Variants in LNPK observed in about 807,000 individuals in gnomAD.
The protein encoded by LNPK is lunapark, ER junction formation factor.
A neutral mutation model predicts 55.2 loss-of-function variants in LNPK; 29 were observed. That is an observed-to-expected ratio of 0.53 (90% CI 0.39 to 0.72). The LOEUF is 0.72. Among genes scored for constraint, LNPK ranks in the 30% least tolerant of loss-of-function variants. LNPK has a pLI of 0.00. For missense variants in LNPK, 467 were observed against 494.8 expected (o/e 0.94, Z 0.53); for synonymous variants, 162 against 168.2 (o/e 0.96, Z 0.29).
chr2:175,982,826 G>A (rs1687234780), intron 4 of LNPK, among the ~76,000 whole-genome samples: 1 of 152,140 alleles, frequency 6.6e-6, no homozygotes, highest in South Asian at 2.1e-4. Flanking sequence ...CATATTTTGT[G>A]AAGATATTGA....
chr2:175,949,304 C>G (rs1001512142), intron 8 of LNPK, among the ~76,000 whole-genome samples: 1 of 152,088 alleles, frequency 6.6e-6, no homozygotes, highest in Non-Finnish European at 1.5e-5. Flanking sequence ...TTATTTTTTA[C>G]TCACAAGGAG....
chr2:175,968,529 G>C (rs1686484756), intron 6 of LNPK, among the ~76,000 whole-genome samples: 2 of 152,126 alleles, frequency 1.3e-5, no homozygotes, highest in African/African-American at 4.8e-5. Context: ...AAAAACTCAA[G>C]TTTTGTTAAA....
At chr2:175,945,268 G>C (rs1685067302) in intron 9 of LNPK, among the ~76,000 whole-genome samples, 1 of 149,084 alleles carries the variant, frequency 6.7e-6, no homozygotes, top group African/African-American at 2.4e-5. Flanking sequence ...CCGGCACTTT[G>C]GGAGACCAAA....
intron 7 of LNPK, 34 bp from the exon 8 acceptor site, chr2:175,964,457 A>G (rs1168738131): frequency 1.2e-6 from 2 of 1,600,120 alleles, no homozygotes; most frequent in East Asian, 2.2e-5. Context: ...ACAGTGACCT[A>G]TTACAATGTG....
chr2:175,963,500 A>G (rs1168341315), intron 8 of LNPK, among the ~76,000 whole-genome samples: 1 of 152,192 alleles, frequency 6.6e-6, no homozygotes, highest in African/African-American at 2.4e-5. Context: ...ATGGGAATTG[A>G]ACAATGAGAA....
intron 9 of LNPK, chr2:175,941,183 G>C (rs998075259): frequency 6.5e-6 from 2 of 309,758 alleles, no homozygotes; most frequent in African/African-American, 4.5e-5. Flanking sequence ...CCCACGAGGT[G>C]GAGGCTGCAG....
chr2:175,937,522 G>C lies in LNPK; in HGVS notation c.884-8C>G. 1.2e-6 allele frequency: 2 copies of C among 1,600,794 alleles called. No homozygotes were observed. The highest frequency in any genetic ancestry group is 1.7e-6 in the Non-Finnish European group (2 of 1,174,754). On this transcript the variant is annotated splice_region_variant and splice_polypyrimidine_tract_variant and intron_variant, in intron 11 of 12. Coordinates refer to ENST00000272748, the MANE Select transcript of LNPK (RefSeq NM_030650.3). ...AGTAGGCACATCGAAAAGCTGCAGA[G>C]AATTTTTTAAAAATAAGCAAAACCA...
At position 175,947,601 on chromosome 2, in the gene LNPK, A is replaced by G; in HGVS notation, c.585T>C (p.Pro195=). Residue 195 remains proline (P), a synonymous_variant, in exon 9 of 13, where the codon CCT becomes CCC. Transcript: ENST00000272748. The part of the protein sequence containing the change: ...QGPPPQVPVS[P]GPPKDSSAPG... Reference sequence around the variant, plus strand: ...GGGCAGAACTGTCCTTTGGTGGTCCAGGAGATACTGGAACTTGTGGAGGAG... The same window carrying G: ...GGGCAGAACTGTCCTTTGGTGGTCCGGGAGATACTGGAACTTGTGGAGGAG... 6.2e-7 allele frequency: 1 copy of G among 1,614,072 alleles called. No individual in the cohort carries two copies. Among genetic ancestry groups the G allele is most frequent in the Non-Finnish European group, 8.5e-7 (1 of 1,179,954 alleles).
At chr2:175,998,444 C>CAAA (rs761894057) in intron 1 of LNPK, among the ~76,000 whole-genome samples, 3 of 82,794 alleles carry the variant, frequency 3.6e-5, no homozygotes, top group Non-Finnish European at 7.0e-5. Flanking sequence ...CTCCGTCTCA[C>CAAA]AAAAAAAAAA....
chr2:176,001,940 T>G (rs1688179238), intron 1 of LNPK, among the ~76,000 whole-genome samples: 1 of 152,186 alleles, frequency 6.6e-6, no homozygotes, highest in South Asian at 2.1e-4. Flanking sequence ...CCACTGCCAG[T>G]GTGCTGGGAA....
chr2:175,996,352 T>C (rs1687930965), intron 1 of LNPK, among the ~76,000 whole-genome samples: 1 of 152,196 alleles, frequency 6.6e-6, no homozygotes, highest in Non-Finnish European at 1.5e-5. Flanking sequence ...AAACTAGTTA[T>C]CTGGAATAGA....
At position 175,930,145 on chromosome 2, in the gene LNPK, AT is replaced by A; in HGVS notation, c.1108del (p.Ile370TyrfsTer10). ...TTGGTTTGTCTGTTCTGTAGCTGGT[AT>A]TTTGTCATCTGTCTGCTCTGTATTA... is the stretch of plus-strand genomic sequence containing the variant. ...DDNTEQTDDK[I>X]PATEQTNQVI... On this transcript the variant is annotated frameshift_variant, in exon 13 of 13. Coordinates refer to ENST00000272748, the MANE Select transcript of LNPK (RefSeq NM_030650.3). LOFTEE classifies it high-confidence loss of function. 6.2e-7 allele frequency: 1 copy of A among 1,613,376 alleles called. No homozygotes were observed. The highest frequency in any genetic ancestry group is 8.5e-7 in the Non-Finnish European group (1 of 1,179,478).
intron 9 of LNPK, among the ~76,000 whole-genome samples, chr2:175,946,339 C>T (rs923583432): frequency 6.6e-6 from 1 of 152,082 alleles, no homozygotes; most frequent in Non-Finnish European, 1.5e-5. Flanking sequence ...AACCAGATAA[C>T]AACAGAAACA....
At chr2:175,970,325 C>G (rs751808390) in intron 6 of LNPK, among the ~76,000 whole-genome samples, 2 of 151,932 alleles carry the variant, frequency 1.3e-5, no homozygotes, top group African/African-American at 4.8e-5. Context: ...TCTCTCTCTC[C>G]CATCTCTTCT....
chr2:175,977,836 G>A (rs1047010289), intron 5 of LNPK, among the ~76,000 whole-genome samples: 1 of 152,182 alleles, frequency 6.6e-6, no homozygotes, highest in Non-Finnish European at 1.5e-5. Flanking sequence ...GTAGGGTTAG[G>A]AGAGGTTTTT....
intron 9 of LNPK, among the ~76,000 whole-genome samples, chr2:175,941,953 G>A (rs1169814425): frequency 6.6e-6 from 1 of 151,544 alleles, no homozygotes; most frequent in Non-Finnish European, 1.5e-5. Context: ...TATGTTTAAA[G>A]TTCTGAAAGA....
Position 175,930,070 on chromosome 2 carries a change from G to A in LNPK, c.1184C>T (p.Thr395Ile), listed in dbSNP as rs1439062060. 1.2e-6 allele frequency: 2 copies of A among 1,613,904 alleles called. No homozygotes were observed. Among genetic ancestry groups the A allele is most frequent in the African/African-American group, 1.3e-5 (1 of 74,896 alleles). The change falls in exon 13 of 13, where the codon ACT becomes ATT. Residue 395 changes from threonine (T) to isoleucine (I), a missense_variant. By Grantham distance (89) the Thr-to-Ile change is moderately conservative (BLOSUM62 -1). Transcript: ENST00000272748. ...AATCACTGAGGCTTCCTCATTCTCA[G>A]TCTCTTGTTTCTCCTCTGGTTCCTC... ...DSEEPEEKQE[T>I]ENEEASVIET...
At chr2:175,953,676 C>G (rs368411939) in intron 8 of LNPK, among the ~76,000 whole-genome samples, 1 of 150,954 alleles carries the variant, frequency 6.6e-6, no homozygotes, top group East Asian at 1.9e-4. Flanking sequence ...TTATCTAGTA[C>G]AGGCCTTTAT....
chr2:175,930,700 C>G (rs943550377), intron 12 of LNPK, among the ~76,000 whole-genome samples: 1 of 151,900 alleles, frequency 6.6e-6, no homozygotes. Context: ...GTGGATGGTG[C>G]GTTCCTACAC....
Sources: gnomAD v4.1 joint callset for allele counts (sites outside exome capture counted in the v4.1 genomes callset) on GRCh38, gnomAD v4.1.1 for gene constraint, MANE v1.5 for transcripts, NCBI Gene and HGNC (gene_info 2026-07-23, HGNC 2026-07-21) for gene names.